The following TXNDC16 variants were observed in gnomAD, a reference collection of about 807,000 sequenced individuals.
The protein encoded by TXNDC16 is thioredoxin domain containing 16.
TXNDC16 carries 74 observed loss-of-function variants against 85.6 expected under a neutral mutation model. The ratio of observed to expected loss-of-function variants is 0.86; its 90% CI spans 0.72 to 1.05. The LOEUF is 1.05. TXNDC16 is among the 50% of genes least tolerant of loss of function. The probability of loss-of-function intolerance (pLI) is 0.00; values close to 1 mark genes in which losing one functional copy is unlikely to be tolerated. For missense variants in TXNDC16, 959 were observed against 947.0 expected (o/e 1.01, Z -0.17); for synonymous variants, 335 against 326.5 (o/e 1.03, Z -0.28).
intron 11 of TXNDC16, among the ~76,000 whole-genome samples, chr14:52,488,831 GAAAAA>G (rs199871075): frequency 0.14 from 12,293 of 90,104 alleles, 630 homozygotes; most frequent in South Asian, 0.22. Context: ...GAGACTCTGG[GAAAAA>G]AAAAAAAAAA....
At chr14:52,500,258 G>A (rs1447500688) in intron 9 of TXNDC16, among the ~76,000 whole-genome samples, 3 of 152,222 alleles carry the variant, frequency 2.0e-5, no homozygotes, top group African/African-American at 7.2e-5. Flanking sequence ...TACGTCCAAC[G>A]GAATATTATT....
intron 4 of TXNDC16, among the ~76,000 whole-genome samples, chr14:52,541,255 A>G (rs1438263456): frequency 2.6e-5 from 4 of 151,240 alleles, no homozygotes; most frequent in Non-Finnish European, 5.9e-5. Flanking sequence ...AAAAATCAGG[A>G]GTTTCAGTTA....
chr14:52,434,566 C>A (rs981782830), intron 20 of TXNDC16, among the ~76,000 whole-genome samples: 2 of 152,074 alleles, frequency 1.3e-5, no homozygotes, highest in Admixed American at 6.5e-5. Context: ...AAGTGTAAAT[C>A]TCAAGTAAGA....
At chr14:52,460,718 C>T (rs576330307) in intron 16 of TXNDC16, among the ~76,000 whole-genome samples, 1 of 150,290 alleles carries the variant, frequency 6.7e-6, no homozygotes, top group Non-Finnish European at 1.5e-5. Flanking sequence ...TTTTAAAAAG[C>T]AAAGACCTTT....
intron 20 of TXNDC16, 46 bp downstream of exon 20, chr14:52,439,158 G>T: frequency 1.3e-6 from 2 of 1,548,830 alleles, no homozygotes; most frequent in South Asian, 1.1e-5. Flanking sequence ...AACATTTATG[G>T]AACAAAATGC....
intron 9 of TXNDC16, among the ~76,000 whole-genome samples, chr14:52,502,940 G>C (rs1197729722): frequency 6.6e-6 from 1 of 152,162 alleles, no homozygotes. Context: ...CCGCGCTTGA[G>C]GGCTCCGAGG....
intron 16 of TXNDC16, among the ~76,000 whole-genome samples, chr14:52,458,838 T>C (rs925675506): frequency 1.3e-5 from 2 of 152,012 alleles, no homozygotes; most frequent in African/African-American, 4.8e-5. Flanking sequence ...GACTCTCTAC[T>C]TATGAATATG....
At chr14:52,451,545 C>T (rs2140111628) in intron 18 of TXNDC16, among the ~76,000 whole-genome samples, 1 of 152,176 alleles carries the variant, frequency 6.6e-6, no homozygotes, top group East Asian at 1.9e-4. Flanking sequence ...GTTCAACATA[C>T]ACAAATCAAT....
intron 20 of TXNDC16, 54 bp downstream of exon 20, chr14:52,439,150 C>T: frequency 2.0e-6 from 3 of 1,525,464 alleles, no homozygotes; most frequent in Non-Finnish European, 2.7e-6. Context: ...TAGAGTTTAA[C>T]ATTTATGGAA....
chr14:52,493,004 C>T (rs538123118), intron 9 of TXNDC16, among the ~76,000 whole-genome samples: 78 of 151,988 alleles, frequency 5.1e-4, no homozygotes, highest in Non-Finnish European at 8.7e-4. Flanking sequence ...AGGTCAGGCA[C>T]GATGGCTCAC....
Position 52,444,138 on chromosome 14 carries a change from A to G in TXNDC16, c.1843-3414T>C, listed in dbSNP as rs542324191. Among the ~76,000 whole-genome samples, 30 of 152,318 alleles carry G rather than the reference A, an allele frequency of 2.0e-4. No homozygotes were observed. The East Asian group carries it at 5.4e-3, about 27-fold the overall frequency. ...TAGACAACAGTTTTGACTGCTACTG[A>G]GACACTAAGGAGAAACACAGTTAAG... On this transcript the variant is annotated intron_variant, in intron 18 of 20. Transcript: ENST00000281741.
chr14:52,500,505 G>A (rs1254711303), intron 9 of TXNDC16, among the ~76,000 whole-genome samples: 1 of 152,138 alleles, frequency 6.6e-6, no homozygotes, highest in East Asian at 1.9e-4. Flanking sequence ...AGTTTCAGTC[G>A]TGCAATATGA....
Position 52,487,173 on chromosome 14 carries a change from C to CCATTACAT in TXNDC16, c.1108+1189_1108+1190insATGTAATG, listed in dbSNP as rs553749486. On this transcript the variant is annotated intron_variant, in intron 12 of 20. Transcript: ENST00000281741. Reference sequence around the variant, plus strand: ...AACCATTACAGGAATAAGCAGGAAACAAGAGACCAGAACACAGGTCTGCTT... The same window carrying CCATTACAT: ...AACCATTACAGGAATAAGCAGGAAACCATTACATAAGAGACCAGAACACAGGTCTGCTT... Among the ~76,000 whole-genome samples, 19 of 152,264 alleles carry CCATTACAT rather than the reference C, an allele frequency of 1.2e-4. No homozygotes were observed. In the South Asian group the frequency reaches 3.9e-3, roughly 32 times the overall value.
At chr14:52,462,681 A>C (rs1193551376) in intron 16 of TXNDC16, 1 of 277,020 alleles carries the variant, frequency 3.6e-6, no homozygotes, top group Non-Finnish European at 7.1e-6. Context: ...AAAATACTGA[A>C]ATCTTTTCAG....
At chr14:52,474,893 C>T (rs986795073) in intron 14 of TXNDC16, among the ~76,000 whole-genome samples, 18 of 152,138 alleles carry the variant, frequency 1.2e-4, no homozygotes, top group African/African-American at 3.9e-4. Flanking sequence ...TCCAAAACTG[C>T]AGCAATACAT....
intron 1 of TXNDC16, among the ~76,000 whole-genome samples, chr14:52,548,434 C>T (rs907468979): frequency 2.0e-5 from 3 of 152,108 alleles, no homozygotes; most frequent in Admixed American, 1.3e-4. Context: ...AGAAACACTG[C>T]GCCTGGGGTG....
At chr14:52,502,354 T>C (rs1024789814) in intron 9 of TXNDC16, among the ~76,000 whole-genome samples, 3 of 152,228 alleles carry the variant, frequency 2.0e-5, no homozygotes, top group African/African-American at 7.2e-5. Flanking sequence ...AATATTCCTT[T>C]TGAGTGAACA....
At chr14:52,478,237 A>T (rs541488324) in intron 14 of TXNDC16, among the ~76,000 whole-genome samples, 15 of 152,180 alleles carry the variant, frequency 9.9e-5, no homozygotes, top group Non-Finnish European at 1.8e-4. Flanking sequence ...GAAAGAGCAC[A>T]AACAGACAAT....
intron 6 of TXNDC16, among the ~76,000 whole-genome samples, chr14:52,530,543 AT>A (rs2037536776): frequency 2.8e-5 from 1 of 35,112 alleles, no homozygotes; most frequent in Non-Finnish European, 4.3e-5. Flanking sequence ...ATAATATAAT[AT>A]ATAATTATAT....
Sources: gnomAD v4.1 joint callset for allele counts (sites outside exome capture counted in the v4.1 genomes callset) on GRCh38, gnomAD v4.1.1 for gene constraint, MANE v1.5 for transcripts, NCBI Gene and HGNC (gene_info 2026-07-23, HGNC 2026-07-21) for gene names.